NR5A1: variants seen among roughly 807,000 people sequenced by gnomAD.
NR5A1 encodes nuclear receptor subfamily 5 group A member 1, also known as steroidogenic factor 1.
NR5A1 carries 6 observed loss-of-function variants against 42.7 expected under a neutral mutation model. That is an observed-to-expected ratio of 0.14 (90% CI 0.08 to 0.28). The LOEUF (loss-of-function observed/expected upper bound fraction) is 0.28. Among genes scored for constraint, NR5A1 ranks in the 10% least tolerant of loss-of-function variants. NR5A1 has a pLI of 1.00. For synonymous variants in NR5A1, 274 were observed against 277.5 expected, an observed-to-expected ratio of 0.99 and a Z score of 0.12; for missense variants, 442 against 626.4, an observed-to-expected ratio of 0.71 and a Z score of 3.14.
chr9:124,501,064 A>G lies in NR5A1; in HGVS notation c.245-349T>C, dbSNP rs907519393. ...CTGAACACCCAGCCTCAATGTCACT[A>G]CTTCCAGGAAGCACTCCTGGATTCA... On this transcript the variant is annotated intron_variant, in intron 3 of 6. Transcript: ENST00000373588. The surrounding 1 kb of genome is among the most constrained non-coding windows in gnomAD (Gnocchi z 4.1). 3.5e-6 allele frequency: 2 copies of G among 564,096 alleles called. No individual in the cohort carries two copies. The highest frequency in any genetic ancestry group is 6.9e-6 in the Non-Finnish European group (2 of 288,948). 34.9% of individuals were successfully genotyped at this position (564,096 alleles called of 1,614,324 possible).
At chr9:124,489,596 AG>A (rs1396729898) in intron 6 of NR5A1, among the ~76,000 whole-genome samples, 1 of 152,182 alleles carries the variant, frequency 6.6e-6, no homozygotes, top group Non-Finnish European at 1.5e-5. Flanking sequence ...ATCCTGTGCC[AG>A]TCTGCTGAGC....
Position 124,482,866 on chromosome 9 carries a change from C to T in NR5A1, c.1278G>A (p.Val426=). 1 of 1,614,114 alleles carries T rather than the reference C, an allele frequency of 6.2e-7. No individual in the cohort carries two copies. ...CCTTGGCCTGCATGCTCAGGGCCCG[C>T]ACCTCCACCAGGCACAGCAGCAGCT... ...FQQLLLCLVE[V]RALSMQAKEY... Residue 426 remains valine (V), a synonymous_variant, in exon 7 of 7, where the codon GTG becomes GTA. Coordinates refer to ENST00000373588, the MANE Select transcript of NR5A1 (RefSeq NM_004959.5).
In NR5A1 at chr9:124,500,807, T is replaced by C. The variant is rs895967074; in HGVS notation, c.245-92A>G. 9.6e-5 allele frequency: 153 copies of C among 1,588,354 alleles called. 1 individual carries two copies. The highest frequency in any genetic ancestry group is 1.0e-4 in the Admixed American group (6 of 59,674). On this transcript the variant is annotated intron_variant, in intron 3 of 6. Transcript: ENST00000373588. The surrounding 1 kb of genome is among the most constrained non-coding windows in gnomAD (Gnocchi z 6.9). ...ATCCTTTCCAAACAAATCTGACCGC[T>C]CTCTCCCCTGCTCAACACCCTTTCA...
chr9:124,494,260 C>G (rs574714826), intron 4 of NR5A1, among the ~76,000 whole-genome samples: 1 of 152,210 alleles, frequency 6.6e-6, no homozygotes, highest in Non-Finnish European at 1.5e-5. Flanking sequence ...CTGCGAGTTT[C>G]GTATAGTCGC....
At chr9:124,495,617 G>A (rs1015798542) in intron 4 of NR5A1, among the ~76,000 whole-genome samples, 2 of 152,162 alleles carry the variant, frequency 1.3e-5, no homozygotes, top group African/African-American at 2.4e-5. Flanking sequence ...GGCCAGGCTT[G>A]TCCCCCCGCC....
intron 1 of NR5A1, among the ~76,000 whole-genome samples, chr9:124,504,519 G>A (rs1832521657): frequency 6.6e-6 from 1 of 152,056 alleles, no homozygotes; most frequent in South Asian, 2.1e-4. Context: ...GACGTCGGGC[G>A]GGGAGACCTC....
rs1481654092 is a variant in NR5A1 at position 124,496,495 on chromosome 9, C to G, written c.871-3346G>C. On this transcript the variant is annotated intron_variant, in intron 4 of 6. Transcript: ENST00000373588. The surrounding 1 kb of genome is among the most constrained non-coding windows in gnomAD (Gnocchi z 5.0). Reference sequence around the variant, plus strand: ...GCCACAAATCTTCCTGGAGCCTTGACGCTCTGCAGGCTGCCTCAGAGACCC... The same window carrying G: ...GCCACAAATCTTCCTGGAGCCTTGAGGCTCTGCAGGCTGCCTCAGAGACCC... Among the ~76,000 whole-genome samples, 1 of 152,134 alleles carries G rather than the reference C, an allele frequency of 6.6e-6. No individual in the cohort carries two copies. The highest frequency in any genetic ancestry group is 1.5e-5 in the Non-Finnish European group (1 of 68,018).
In NR5A1 at chr9:124,500,759, C is replaced by T. The variant is rs748571477; in HGVS notation, c.245-44G>A. ...GGTCAGACTCACCCTCTCTAAGCCC[C>T]CTTCCATGCTGCCCCACCACAGATC... On this transcript the variant is annotated intron_variant, in intron 3 of 6. Transcript: ENST00000373588. This position sits in a 1 kb window ranked among gnomAD's most constrained non-coding sequence, Gnocchi z 6.9. 2.3e-5 allele frequency: 37 copies of T among 1,611,644 alleles called. No homozygotes were observed. Among genetic ancestry groups the T allele is most frequent in the Non-Finnish European group, 3.0e-5 (35 of 1,179,936 alleles).
chr9:124,501,045 A>G lies in NR5A1; in HGVS notation c.245-330T>C, dbSNP rs1402768491. 12 of 604,414 alleles carry G rather than the reference A, an allele frequency of 2.0e-5. No individual in the cohort carries two copies. Among genetic ancestry groups the G allele is most frequent in the Admixed American group, 1.3e-4 (6 of 46,262 alleles). 37.4% of individuals were successfully genotyped at this position (604,414 alleles called of 1,614,324 possible). A position where few individuals can be genotyped will look rare whatever the true frequency, so the allele number is the denominator to read the frequency against. On this transcript the variant is annotated intron_variant, in intron 3 of 6. Transcript: ENST00000373588. This position sits in a 1 kb window ranked among gnomAD's most constrained non-coding sequence, Gnocchi z 4.1. ...TTTTTTTCTCTTGTGCTTGCTGAACACCCAGCCTCAATGTCACTACTTCCA... is the reference window on the plus strand; with the variant it reads ...TTTTTTTCTCTTGTGCTTGCTGAACGCCCAGCCTCAATGTCACTACTTCCA...
rs922640608 is a variant in NR5A1, at chr9:124,498,075, C to T, written c.870+2015G>A. Among the ~76,000 whole-genome samples the T allele has an allele frequency of 6.6e-6, 1 of 152,224 alleles. No individual in the cohort carries two copies. Among genetic ancestry groups the T allele is most frequent in the African/African-American group, 2.4e-5 (1 of 41,446 alleles). On this transcript the variant is annotated intron_variant, in intron 4 of 6. Coordinates refer to ENST00000373588, the MANE Select transcript of NR5A1 (RefSeq NM_004959.5). The surrounding 1 kb of genome is among the most constrained non-coding windows in gnomAD (Gnocchi z 4.6). Reference sequence around the variant, plus strand: ...TGTCCAGCCCAAGGGCTGCTCCACTCTCAGAGCCAGAGAGCCCCCTCTTCT... The same window carrying T: ...TGTCCAGCCCAAGGGCTGCTCCACTTTCAGAGCCAGAGAGCCCCCTCTTCT...
At chr9:124,505,745 G>T (rs139539553) in intron 1 of NR5A1, among the ~76,000 whole-genome samples, 2,608 of 152,284 alleles carry the variant, frequency 0.017, 31 homozygotes, top group Middle Eastern at 0.031. Context: ...CGGAGGCAGG[G>T]CCCCGCTGCT....
chr9:124,499,248 G>C (rs555968909), intron 4 of NR5A1, among the ~76,000 whole-genome samples: 70 of 152,340 alleles, frequency 4.6e-4, no homozygotes, highest in African/African-American at 1.7e-3. Context: ...CCACTAGGTG[G>C]GAAGACTGGG....
chr9:124,494,989 G>A (rs1391270320), intron 4 of NR5A1, among the ~76,000 whole-genome samples: 1 of 152,210 alleles, frequency 6.6e-6, no homozygotes, highest in East Asian at 1.9e-4. Flanking sequence ...CGTCCCTGGG[G>A]CCTGTGTCCT....
At chr9:124,499,468 C>T (rs552907562) in intron 4 of NR5A1, among the ~76,000 whole-genome samples, 6 of 152,306 alleles carry the variant, frequency 3.9e-5, no homozygotes, top group Admixed American at 2.6e-4. Context: ...ATCCAGCATA[C>T]GCAAGATTTG....
In NR5A1 at chr9:124,503,255, G is replaced by C; in HGVS notation, c.103-35C>G. 3 of 1,604,586 alleles carry C rather than the reference G, an allele frequency of 1.9e-6. No individual in the cohort carries two copies. The African/African-American group carries it at 4.0e-5, about 21-fold the overall frequency. On this transcript the variant is annotated intron_variant, in intron 2 of 6. Coordinates refer to ENST00000373588, the MANE Select transcript of NR5A1 (RefSeq NM_004959.5). The surrounding 1 kb of genome is among the most constrained non-coding windows in gnomAD (Gnocchi z 9.6). ...CTGAGAGTCAGCGAGGCCCCGCAGC[G>C]CCCGTCTGCCGCACCCCTGCCGCGC...
At position 124,481,253 on chromosome 9, in the gene NR5A1, A is replaced by T. The variant is rs528654894; in HGVS notation, c.*1505T>A. 1.3e-5 allele frequency: 2 copies of T among 151,638 alleles called. No homozygotes were observed. Among genetic ancestry groups the T allele is most frequent in the South Asian group, 4.2e-4 (2 of 4,794 alleles). 9.4% of individuals were successfully genotyped at this position (151,638 alleles called of 1,614,324 possible). On this transcript the variant is annotated 3_prime_UTR_variant, in exon 7 of 7. Transcript: ENST00000373588. The stretch of plus-strand genomic sequence containing the variant: ...AAGGTAGCTGGAAACTAATTGCGAA[A>T]TTTATTCCAGGGCTGTGGGGGCTGG...
intron 1 of NR5A1, among the ~76,000 whole-genome samples, chr9:124,504,550 C>T (rs1832522244): frequency 6.6e-6 from 1 of 151,756 alleles, no homozygotes; most frequent in Admixed American, 6.6e-5. Context: ...CGGCGGGCTC[C>T]GGGAAGCCGA....
intron 6 of NR5A1, among the ~76,000 whole-genome samples, chr9:124,488,213 C>T (rs1236897214): frequency 1.3e-5 from 2 of 152,110 alleles, no homozygotes; most frequent in Non-Finnish European, 2.9e-5. Flanking sequence ...CCCCGGAAGC[C>T]TTCCCGGATA....
intron 4 of NR5A1, among the ~76,000 whole-genome samples, chr9:124,499,070 C>A (rs761099584): frequency 6.6e-6 from 1 of 152,236 alleles, no homozygotes; most frequent in Non-Finnish European, 1.5e-5. Flanking sequence ...AGCCCCAGAA[C>A]AGCCAGGGGG....
Sources: allele counts gnomAD v4.1 joint callset (sites outside exome capture counted in the v4.1 genomes callset), GRCh38; gene constraint gnomAD v4.1.1; non-coding constraint Gnocchi (gnomAD v3.1); transcripts MANE v1.5; gene names NCBI Gene and HGNC (gene_info 2026-07-23, HGNC 2026-07-21).